The following RANBP2 variants were observed in gnomAD, a reference collection of about 807,000 sequenced individuals.
The protein encoded by RANBP2 is RAN binding protein 2, also known as E3 SUMO-protein ligase RanBP2.
In RANBP2, 57 loss-of-function variants were observed where a neutral mutation model predicts 303.6. The observed-to-expected ratio is 0.19, with a 90% CI of 0.15 to 0.23. The LOEUF is 0.23. Ranked by LOEUF, RANBP2 falls within the 10% of genes least tolerant of loss-of-function variation. The pLI is 1.00. For missense variants in RANBP2, 3,138 were observed against 3,780.8 expected (o/e 0.83, Z 4.46); for synonymous variants, 1,167 against 1,301.5 (o/e 0.90, Z 2.23).
At position 108,740,378 on chromosome 2, in the gene RANBP2, G is replaced by C; in HGVS notation, c.783-111G>C. Reference sequence around the variant, plus strand: ...GGGGAATAAGAATTATTAGTTGAATGTGGAAGATGAAGCTTGAAATAAAAT... The same window carrying C: ...GGGGAATAAGAATTATTAGTTGAATCTGGAAGATGAAGCTTGAAATAAAAT... On this transcript the variant is annotated intron_variant, in intron 6 of 28. Transcript: ENST00000283195. The C allele has an allele frequency of 2.0e-6, 3 of 1,501,084 alleles. No individual in the cohort carries two copies. The African/African-American group carries it at 4.1e-5, about 21-fold the overall frequency. The allele number at this position is 1,501,084 out of a possible 1,614,324, so 93.0% of individuals were successfully genotyped here.
the RANBP2 span, among the ~76,000 whole-genome samples, chr2:108,965,090 T>C: frequency 6.6e-6 from 1 of 152,034 alleles, no homozygotes; most frequent in Non-Finnish European, 1.5e-5. Context: ...GAAAAGTGTG[T>C]GTGCACGCAA....
the RANBP2 span, among the ~76,000 whole-genome samples, chr2:109,428,357 A>G: frequency 2.0e-5 from 3 of 152,364 alleles, no homozygotes; most frequent in African/African-American, 2.4e-5. Context: ...AGATCTTGCT[A>G]TAGAAATAAG....
chr2:109,007,646 G>T, the RANBP2 span, among the ~76,000 whole-genome samples: 1 of 152,202 alleles, frequency 6.6e-6, no homozygotes, highest in Non-Finnish European at 1.5e-5. Context: ...GACAGGAGAG[G>T]CAGGGAAGAA....
At chr2:108,920,905 G>C in the RANBP2 span, among the ~76,000 whole-genome samples, 2 of 152,140 alleles carry the variant, frequency 1.3e-5, no homozygotes, top group South Asian at 4.1e-4. Flanking sequence ...GGCAGGAGAG[G>C]ACATGAGGCT....
chr2:109,341,012 C>T, the RANBP2 span, among the ~76,000 whole-genome samples: 5 of 152,246 alleles, frequency 3.3e-5, no homozygotes, highest in Non-Finnish European at 2.9e-5. Flanking sequence ...GTTGCATCCA[C>T]GCAACAGCTT....
the RANBP2 span, among the ~76,000 whole-genome samples, chr2:108,844,100 G>A: frequency 6.6e-6 from 1 of 151,566 alleles, no homozygotes; most frequent in South Asian, 2.1e-4. Context: ...AGGCTCAAGC[G>A]ATCTTCCATC....
the RANBP2 span, among the ~76,000 whole-genome samples, chr2:109,474,551 G>A: frequency 1.5e-4 from 23 of 152,318 alleles, no homozygotes; most frequent in Middle Eastern, 3.4e-3. Context: ...AGTCCGAACC[G>A]CACGGGGCTT....
chr2:109,438,284 C>T, the RANBP2 span, among the ~76,000 whole-genome samples: 18 of 152,112 alleles, frequency 1.2e-4, no homozygotes, highest in African/African-American at 4.1e-4. Context: ...TGCCCAGCAT[C>T]GTCACTGGGT....
chr2:108,806,590 C>T, the RANBP2 span, among the ~76,000 whole-genome samples: 1 of 152,142 alleles, frequency 6.6e-6, no homozygotes, highest in Non-Finnish European at 1.5e-5. Flanking sequence ...AGTGACCCAG[C>T]TCTGCCATCG....
At chr2:109,565,943 A>G in the RANBP2 span, 18 of 1,204,076 alleles carry the variant, frequency 1.5e-5, no homozygotes, top group Non-Finnish European at 1.8e-5. Flanking sequence ...AGAGAAGAGA[A>G]TAATTAAATA....
At chr2:109,303,060 G>A in the RANBP2 span, among the ~76,000 whole-genome samples, 4 of 152,124 alleles carry the variant, frequency 2.6e-5, no homozygotes, top group South Asian at 8.3e-4. Context: ...ATTTTTGGTA[G>A]AGGCGGGGTT....
the RANBP2 span, among the ~76,000 whole-genome samples, chr2:109,217,703 T>A: frequency 6.6e-6 from 1 of 152,190 alleles, no homozygotes; most frequent in Non-Finnish European, 1.5e-5. Flanking sequence ...GAAGACCTTT[T>A]TGGGGGAGGG....
chr2:108,929,980 C>T, the RANBP2 span: 1 of 1,053,318 alleles, frequency 9.5e-7, no homozygotes, highest in African/African-American at 1.6e-5. Context: ...CCATCAATCT[C>T]AACGTCCAGG....
the RANBP2 span, among the ~76,000 whole-genome samples, chr2:109,711,233 T>G: frequency 6.6e-6 from 1 of 152,018 alleles, no homozygotes; most frequent in African/African-American, 2.4e-5. Context: ...GCCCAGTAAC[T>G]TAGGCCAGCA....
At chr2:108,925,631 TC>T in the RANBP2 span, among the ~76,000 whole-genome samples, 5,481 of 151,982 alleles carry the variant, frequency 0.036, 329 homozygotes, top group African/African-American at 0.12. Context: ...CTTTTTTTTT[TC>T]CCCCTGAAAC....
At chr2:109,726,466 A>G in the RANBP2 span, among the ~76,000 whole-genome samples, 3 of 151,986 alleles carry the variant, frequency 2.0e-5, no homozygotes, top group Non-Finnish European at 4.4e-5. Flanking sequence ...ACAAAACTGG[A>G]GGTGATGATG....
chr2:108,807,622 T>TTTTTGAGATGAGTCTCATTTC, the RANBP2 span, among the ~76,000 whole-genome samples: 1 of 152,148 alleles, frequency 6.6e-6, no homozygotes, highest in South Asian at 2.1e-4. Flanking sequence ...TCTTTTTGTT[T>TTTTTGAGATGAGTCTCATTTC]TGTTTTGTTT....
At chr2:109,211,560 C>T in the RANBP2 span, among the ~76,000 whole-genome samples, 1 of 152,146 alleles carries the variant, frequency 6.6e-6, no homozygotes, top group Non-Finnish European at 1.5e-5. Context: ...TGTCACAGAG[C>T]AGGCAGCTAC....
chr2:109,428,536 C>T, the RANBP2 span, among the ~76,000 whole-genome samples: 2 of 152,236 alleles, frequency 1.3e-5, no homozygotes, highest in African/African-American at 4.8e-5. Flanking sequence ...CCTGACTGCA[C>T]ACCTGCCGCG....
Sources: allele counts gnomAD v4.1 joint callset (sites outside exome capture counted in the v4.1 genomes callset), GRCh38; gene constraint gnomAD v4.1.1; transcripts MANE v1.5; gene names NCBI Gene and HGNC (gene_info 2026-07-23, HGNC 2026-07-21).